HSPG2: variants seen among roughly 807,000 people sequenced by gnomAD.
HSPG2 encodes the protein heparan sulfate proteoglycan 2.
HSPG2 carries 278 observed loss-of-function variants against 526.6 expected under a neutral mutation model. That is an observed-to-expected ratio of 0.53 (90% CI 0.48 to 0.58). The LOEUF is 0.58. Ranked by LOEUF, HSPG2 falls within the 20% of genes least tolerant of loss-of-function variation. The probability of loss-of-function intolerance (pLI) is 0.00; values close to 1 mark genes in which losing one functional copy is unlikely to be tolerated. For synonymous variants in HSPG2, 2,465 were observed against 2,555.4 expected, an observed-to-expected ratio of 0.96 and a Z score of 1.07; for missense variants, 5,354 against 6,099.5, an observed-to-expected ratio of 0.88 and a Z score of 4.07.
Position 21,833,490 on chromosome 1 carries a change from G to A in HSPG2, c.10955C>T (p.Ala3652Val), listed in dbSNP as rs754689055. 6.2e-7 allele frequency: 1 copy of A among 1,614,182 alleles called. No homozygotes were observed. The highest frequency in any genetic ancestry group is 8.5e-7 in the Non-Finnish European group (1 of 1,180,010). Residue 3652 changes from alanine (A) to valine (V), a missense_variant, in exon 79 of 97, where the codon GCC (alanine) becomes GTC (valine). Coordinates refer to ENST00000374695, the MANE Select transcript of HSPG2 (RefSeq NM_005529.7). ...ACCTGGCACCTGCAGGTGGGCAAAGGCTTTGACCTTGCCCTGGCGGTTAGT... is the reference window on the plus strand; with the variant it reads ...ACCTGGCACCTGCAGGTGGGCAAAGACTTTGACCTTGCCCTGGCGGTTAGT... ...TATNRQGKVKAFAHLQVPERV... is the reference protein window; with the variant it reads ...TATNRQGKVKVFAHLQVPERV...
In HSPG2 at chr1:21,887,403, C is replaced by A. The variant is rs372404383; in HGVS notation, c.958+17G>T. ...TTCCTGCTCCCCGCACCCACCTGCA[C>A]CCCTGCCGGTGCGCACCACAGTCTA... is the stretch of plus-strand genomic sequence containing the variant. On this transcript the variant is annotated intron_variant, in intron 8 of 96. Coordinates refer to ENST00000374695, the MANE Select transcript of HSPG2 (RefSeq NM_005529.7). The surrounding 1 kb of genome is among the most constrained non-coding windows in gnomAD (Gnocchi z 5.0). The A allele has an allele frequency of 3.0e-5, 48 of 1,613,892 alleles. No individual in the cohort carries two copies. The highest frequency in any genetic ancestry group is 3.9e-5 in the Non-Finnish European group (46 of 1,179,962).
chr1:21,888,193 C>T (rs1642082731), intron 6 of HSPG2, 127 bp from the exon 7 acceptor site: 4 of 1,238,288 alleles, frequency 3.2e-6, no homozygotes, highest in South Asian at 2.6e-5. Flanking sequence ...CTGGCAGGCA[C>T]AACGAGGGCA....
Position 21,824,180 on chromosome 1 carries a change from G to T in HSPG2, c.12840C>A (p.Ala4280=), listed in dbSNP as rs1347386962. The T allele has an allele frequency of 6.2e-7, 1 of 1,613,722 alleles. No homozygotes were observed. The change falls in exon 95 of 97, where the codon GCC becomes GCA. Residue 4280 remains alanine (A), a synonymous_variant. Coordinates refer to ENST00000374695, the MANE Select transcript of HSPG2 (RefSeq NM_005529.7). This position sits in a 1 kb window ranked among gnomAD's most constrained non-coding sequence, Gnocchi z 5.9. ...TGATGGGGTCCTCAGAGACCAGGCG[G>T]GCCTCCCCACTACCCAGCTGGTACC... is the stretch of plus-strand genomic sequence containing the variant. ...VFRYQLGSGE[A]RLVSEDPIND...
At chr1:21,837,258 G>T (rs2098030197) in intron 74 of HSPG2, among the ~76,000 whole-genome samples, 1 of 152,160 alleles carries the variant, frequency 6.6e-6, no homozygotes, top group African/African-American at 2.4e-5. Context: ...GGGTGGGGAG[G>T]GCAGGCCACG....
chr1:21,854,508 C>T lies in HSPG2; in HGVS notation c.6288+103G>A, dbSNP rs879824634. 86 of 1,455,364 alleles carry T rather than the reference C, an allele frequency of 5.9e-5. No homozygotes were observed. In the East Asian group the frequency reaches 1.6e-3, roughly 27 times the overall value. The allele number at this position is 1,455,364 out of a possible 1,614,324, so 90.2% of individuals were successfully genotyped here. A position where few individuals can be genotyped will look rare whatever the true frequency, so the allele number is the denominator to read the frequency against. ...TGAGGCCTGGCTTCTGCTGGTGGAA[C>T]GTGTGGGGCAGTGTGCCGCCTCCCC... On this transcript the variant is annotated intron_variant, in intron 49 of 96. Transcript: ENST00000374695.
intron 33 of HSPG2, chr1:21,870,754 C>T (rs1429277666): frequency 4.8e-6 from 4 of 828,424 alleles, no homozygotes; most frequent in Non-Finnish European, 5.8e-6. Context: ...CTGCGCATCT[C>T]CCCACGCAGG....
At position 21,828,881 on chromosome 1, in the gene HSPG2, G is replaced by A. The variant is rs2097989049; in HGVS notation, c.12191C>T (p.Ser4064Phe). ...GTGAGCGCTCATGTTGGTGGCCGGG[G>A]ACAGTGGCACGGAAGGCTCCACACC... ...LGGVEPSVPLSPATNMSAHFR... is the reference protein window; with the variant it reads ...LGGVEPSVPLFPATNMSAHFR... Residue 4064 changes from serine to phenylalanine, a missense_variant, in exon 88 of 97, where the codon TCC becomes TTC. Transcript: ENST00000374695. This position sits in a 1 kb window ranked among gnomAD's most constrained non-coding sequence, Gnocchi z 6.0. 1.9e-6 allele frequency: 3 copies of A among 1,553,524 alleles called. No homozygotes were observed. The highest frequency in any genetic ancestry group is 4.9e-5 in the East Asian group (2 of 41,158).
chr1:21,855,008 T>G, intron 47 of HSPG2, 25 bp from the exon 48 acceptor site: 3 of 1,609,846 alleles, frequency 1.9e-6, no homozygotes, highest in Non-Finnish European at 2.5e-6. Context: ...ATGGGTCAGC[T>G]GCCCCAGAGG....
chr1:21,832,616 C>T lies in HSPG2; in HGVS notation c.11096-10G>A, dbSNP rs1178451232. The T allele has an allele frequency of 1.2e-6, 2 of 1,610,988 alleles. No homozygotes were observed. The highest frequency in any genetic ancestry group is 4.5e-5 in the East Asian group (2 of 44,870). On this transcript the variant is annotated splice_polypyrimidine_tract_variant and intron_variant, in intron 80 of 96. Transcript: ENST00000374695. ...TTGTACAGCAGCATCCCTGGGTGGG[C>T]ACCACTGTGTAAGGGGCCCCCTTCC...
At chr1:21,863,690 G>A (rs1640002672) in intron 37 of HSPG2, among the ~76,000 whole-genome samples, 1 of 148,348 alleles carries the variant, frequency 6.7e-6, no homozygotes, top group Admixed American at 6.8e-5. Context: ...GAACGAGACT[G>A]AGACCCTGTC....
intron 2 of HSPG2, 27 bp downstream of exon 2, chr1:21,896,148 G>T (rs1412488885): frequency 5.0e-6 from 8 of 1,611,340 alleles, no homozygotes; most frequent in Non-Finnish European, 6.8e-6. Context: ...CCACCCCTCT[G>T]CTCCCAGCCT....
At chr1:21,844,015 C>T (rs2152708431) in intron 65 of HSPG2, 133 bp downstream of exon 65, 1 of 1,243,468 alleles carries the variant, frequency 8.0e-7, no homozygotes, top group Non-Finnish European at 1.1e-6. Context: ...CTCTCAACTT[C>T]CTGATTCCAT....
chr1:21,859,874 C>T lies in HSPG2; in HGVS notation c.5143G>A (p.Gly1715Arg), dbSNP rs1481457891. The change falls in exon 41 of 97, where the codon GGG becomes AGG. Residue 1715 changes from glycine to arginine, a missense_variant. Coordinates refer to ENST00000374695, the MANE Select transcript of HSPG2 (RefSeq NM_005529.7). This position sits in a 1 kb window ranked among gnomAD's most constrained non-coding sequence, Gnocchi z 5.3. ...PHYFYWSREDGRPVPSGTQQR... is the reference protein window; with the variant it reads ...PHYFYWSREDRRPVPSGTQQR... ...TGGGTGCCGCTGGGCACAGGCCGCC[C>T]ATCCTCACGGGACCAATAGAAGTAG... The T allele has an allele frequency of 1.9e-6, 3 of 1,611,446 alleles. No individual in the cohort carries two copies. Among genetic ancestry groups the T allele is most frequent in the Non-Finnish European group, 2.5e-6 (3 of 1,179,662 alleles).
chr1:21,848,080 C>T lies in HSPG2; in HGVS notation c.7751G>A (p.Arg2584Gln), dbSNP rs779023853. 3.1e-5 allele frequency: 50 copies of T among 1,604,206 alleles called. No homozygotes were observed. Among genetic ancestry groups the T allele is most frequent in the Non-Finnish European group, 4.0e-5 (47 of 1,175,990 alleles). Residue 2584 changes from arginine to glutamine, a missense_variant, in exon 60 of 97, where the codon CGG (arginine) becomes CAG (glutamine). Physicochemically the swap from Arg to Gln is conservative, Grantham distance 43 (BLOSUM62 1). Transcript: ENST00000374695. The surrounding 1 kb of genome is among the most constrained non-coding windows in gnomAD (Gnocchi z 4.9). ...LPSRHQIVGS[R>Q]LRIPQVTPAD... ...CGGAGTCACCTGAGGGATCCGCAGC[C>T]GGGAGCCCACGATCTGCAGGAAGCA...
Position 21,847,127 on chromosome 1 carries a change from T to C in HSPG2, c.8164+227A>G, listed in dbSNP as rs1189716414. ...AAAATTCGTAAACTTCCTGTGATGA[T>C]GGAAATGCTTTTTATCTGCACAGGC... On this transcript the variant is annotated intron_variant, in intron 62 of 96. Transcript: ENST00000374695. This position sits in a 1 kb window ranked among gnomAD's most constrained non-coding sequence, Gnocchi z 4.1. Among the ~76,000 whole-genome samples the C allele has an allele frequency of 6.6e-6, 1 of 152,230 alleles. No homozygotes were observed. Among genetic ancestry groups the C allele is most frequent in the Non-Finnish European group, 1.5e-5 (1 of 68,048 alleles).
At chr1:21,853,750 A>AT (rs1639099374) in intron 50 of HSPG2, 1 of 170,266 alleles carries the variant, frequency 5.9e-6, no homozygotes, top group Admixed American at 7.0e-5. Flanking sequence ...CTCTCTCTCA[A>AT]AAAAATAAAA....
At position 21,872,452 on chromosome 1, in the gene HSPG2, G is replaced by T; in HGVS notation, c.4030-75C>A. ...GGTGGGGGATGGGGCACGGGAGGGT[G>T]TTAAGGTGCGGAATGGGGTCCTGTT... On this transcript the variant is annotated intron_variant, in intron 32 of 96. Transcript: ENST00000374695. This position sits in a 1 kb window ranked among gnomAD's most constrained non-coding sequence, Gnocchi z 5.5. 1 of 1,440,628 alleles carries T rather than the reference G, an allele frequency of 6.9e-7. No homozygotes were observed. Among genetic ancestry groups the T allele is most frequent in the Non-Finnish European group, 9.5e-7 (1 of 1,051,386 alleles). The allele number at this position is 1,440,628 out of a possible 1,614,324, so 89.2% of individuals were successfully genotyped here.
intron 65 of HSPG2, among the ~76,000 whole-genome samples, 176 bp from the exon 66 acceptor site, chr1:21,843,614 C>G (rs1449267057): frequency 6.6e-6 from 1 of 152,072 alleles, no homozygotes; most frequent in African/African-American, 2.4e-5. Context: ...GTTTCTCCGG[C>G]AGGAGGAAGT....
chr1:21,843,542 G>A (rs1048794288), intron 65 of HSPG2, 104 bp from the exon 66 acceptor site: 13 of 1,267,836 alleles, frequency 1.0e-5, no homozygotes, highest in South Asian at 5.7e-5. Flanking sequence ...ATATGTAGGC[G>A]CATCCTGTTG....
Sources: allele counts gnomAD v4.1 joint callset (sites outside exome capture counted in the v4.1 genomes callset), GRCh38; gene constraint gnomAD v4.1.1; non-coding constraint Gnocchi (gnomAD v3.1); transcripts MANE v1.5; gene names NCBI Gene and HGNC (gene_info 2026-07-23, HGNC 2026-07-21).